TMEM131L: variants seen among roughly 807,000 people sequenced by gnomAD.
TMEM131L encodes the protein transmembrane protein 131-like.
In TMEM131L, 54 loss-of-function variants were observed where a neutral mutation model predicts 192.2. That is an observed-to-expected ratio of 0.28 (90% CI 0.23 to 0.35). TMEM131L has a LOEUF of 0.35. Ranked by LOEUF, TMEM131L falls within the 10% of genes least tolerant of loss-of-function variation. The probability of loss-of-function intolerance (pLI) is 1.00; values close to 1 mark genes in which losing one functional copy is unlikely to be tolerated. For synonymous variants in TMEM131L, 701 were observed against 704.9 expected, an observed-to-expected ratio of 0.99 and a Z score of 0.09; for missense variants, 1,888 against 1,972.9, an observed-to-expected ratio of 0.96 and a Z score of 0.82.
At position 153,634,216 on chromosome 4, in the gene TMEM131L, C is replaced by T. The variant is rs564651352; in HGVS notation, c.4353C>T (p.Cys1451=). The T allele has an allele frequency of 3.2e-5, 52 of 1,613,992 alleles. No individual in the cohort carries two copies. Among genetic ancestry groups the T allele is most frequent in the Middle Eastern group, 1.6e-4 (1 of 6,062 alleles). Reference sequence around the variant, plus strand: ...GTTTCATTGATTGGAGTGCAACATGCGAAGGCCAGTTTTCCAGCGCATACT... The same window carrying T: ...GTTTCATTGATTGGAGTGCAACATGTGAAGGCCAGTTTTCCAGCGCATACT... ...HNSFIDWSAT[C]EGQFSSAYCP... is the part of the protein sequence containing the mutation. The change falls in exon 33 of 35, where the codon TGC becomes TGT. Residue 1451 remains cysteine (C), a synonymous_variant. Transcript: ENST00000409959.
intron 3 of TMEM131L, among the ~76,000 whole-genome samples, chr4:153,545,170 C>G (rs1053186000): frequency 6.6e-6 from 1 of 152,236 alleles, no homozygotes; most frequent in African/African-American, 2.4e-5. Context: ...GCAGCTTGCT[C>G]ATTTTGTTGA....
intron 26 of TMEM131L, among the ~76,000 whole-genome samples, chr4:153,615,062 C>T (rs1190847530): frequency 6.6e-6 from 1 of 152,220 alleles, no homozygotes; most frequent in Admixed American, 6.5e-5. Context: ...ATGCACTTTA[C>T]AGCCAGGCTT....
chr4:153,483,822 TAGAG>T, intron 3 of TMEM131L, among the ~76,000 whole-genome samples: 1 of 152,312 alleles, frequency 6.6e-6, no homozygotes, highest in Middle Eastern at 3.4e-3. Context: ...GGCTTCTAGC[TAGAG>T]AGTCAGGTAT....
chr4:153,596,194 C>T, intron 19 of TMEM131L, 64 bp from the exon 20 acceptor site: 1 of 1,573,512 alleles, frequency 6.4e-7, no homozygotes. Context: ...CTCTAGGATG[C>T]ACTTAATGAC....
At chr4:153,538,229 C>T (rs1440127755) in intron 3 of TMEM131L, among the ~76,000 whole-genome samples, 3 of 152,194 alleles carry the variant, frequency 2.0e-5, no homozygotes, top group African/African-American at 7.2e-5. Context: ...TGTGCTCCTT[C>T]TAGCACCTCT....
intron 28 of TMEM131L, among the ~76,000 whole-genome samples, chr4:153,622,071 G>A (rs1733459568): frequency 6.6e-6 from 1 of 152,170 alleles, no homozygotes; most frequent in Non-Finnish European, 1.5e-5. Context: ...CCCCAGTCTG[G>A]CCAGTCGCAA....
intron 32 of TMEM131L, among the ~76,000 whole-genome samples, chr4:153,633,961 T>G (rs1278652049): frequency 1.3e-5 from 2 of 152,218 alleles, no homozygotes; most frequent in African/African-American, 4.8e-5. Context: ...ACAAGCATAG[T>G]TAAAAACAAG....
At chr4:153,539,949 A>G (rs1365819244) in intron 3 of TMEM131L, among the ~76,000 whole-genome samples, 1 of 152,050 alleles carries the variant, frequency 6.6e-6, no homozygotes, top group Non-Finnish European at 1.5e-5. Context: ...CGTCTCTACT[A>G]AAAATACAAA....
intron 31 of TMEM131L, chr4:153,632,461 G>A: frequency 2.2e-6 from 1 of 451,610 alleles, no homozygotes; most frequent in South Asian, 2.7e-5. Flanking sequence ...CTTGCAGAAA[G>A]TAGTTCCTCA....
At chr4:153,480,299 A>T (rs893638084) in intron 3 of TMEM131L, among the ~76,000 whole-genome samples, 1 of 152,206 alleles carries the variant, frequency 6.6e-6, no homozygotes, top group Admixed American at 6.5e-5. Flanking sequence ...AGATCGCGCC[A>T]CTGCACTCCA....
At position 153,510,668 on chromosome 4, in the gene TMEM131L, A is replaced by G. The variant is rs112736429; in HGVS notation, c.239+36780A>G. On this transcript the variant is annotated intron_variant, in intron 3 of 34. Coordinates refer to ENST00000409959, the MANE Select transcript of TMEM131L (RefSeq NM_001131007.2). ...TGGGGCAGGCAGATCAGTTGAGCCC[A>G]GGAGTTCAAGACCAGCCTGGGCAAC... Among the ~76,000 whole-genome samples, 894 of 152,324 alleles carry G rather than the reference A, an allele frequency of 5.9e-3. 6 individuals are homozygous for G. Among genetic ancestry groups the G allele is most frequent in the African/African-American group, 0.02 (825 of 41,566 alleles).
At position 153,555,514 on chromosome 4, in the gene TMEM131L, G is replaced by C. The variant is rs567928127; in HGVS notation, c.309-273G>C. On this transcript the variant is annotated intron_variant, in intron 4 of 34. Coordinates refer to ENST00000409959, the MANE Select transcript of TMEM131L (RefSeq NM_001131007.2). The surrounding 1 kb of genome is among the most constrained non-coding windows in gnomAD (Gnocchi z 4.1). ...TTGCAAGCATTTTAATGGCCTAGAT[G>C]GGTTAAATTTTTCTAACACTGAAAC... Among the ~76,000 whole-genome samples, 1 of 152,028 alleles carries C rather than the reference G, an allele frequency of 6.6e-6. No individual in the cohort carries two copies. Among genetic ancestry groups the C allele is most frequent in the East Asian group, 1.9e-4 (1 of 5,196 alleles).
chr4:153,508,538 A>G (rs1734135976), intron 3 of TMEM131L, among the ~76,000 whole-genome samples: 3 of 152,174 alleles, frequency 2.0e-5, no homozygotes, highest in South Asian at 4.1e-4. Flanking sequence ...TTCCTTAAGT[A>G]GTTTCTCATT....
intron 4 of TMEM131L, among the ~76,000 whole-genome samples, chr4:153,552,225 C>A (rs1487523822): frequency 1.3e-5 from 2 of 151,666 alleles, no homozygotes; most frequent in Non-Finnish European, 2.9e-5. Context: ...AAAAAAGAGT[C>A]TTTATTGTGA....
chr4:153,594,640 C>A (rs978599880), intron 19 of TMEM131L, among the ~76,000 whole-genome samples: 1 of 152,196 alleles, frequency 6.6e-6, no homozygotes, highest in African/African-American at 2.4e-5. Flanking sequence ...TTTCTTCTTT[C>A]TTTATCTTTA....
chr4:153,555,953 GC>G lies in TMEM131L; in HGVS notation c.432+45del. On this transcript the variant is annotated intron_variant, in intron 5 of 34. Transcript: ENST00000409959. This position sits in a 1 kb window ranked among gnomAD's most constrained non-coding sequence, Gnocchi z 4.1. ...CCTGGAAACTATGCCGTGGCAGGCA[GC>G]CAGGTTTTCTTGCTTTCTTTGGCCT... 6.5e-7 allele frequency: 1 copy of G among 1,539,718 alleles called. No homozygotes were observed. Among genetic ancestry groups the G allele is most frequent in the Non-Finnish European group, 8.8e-7 (1 of 1,140,592 alleles).
chr4:153,490,922 C>G (rs184553204), intron 3 of TMEM131L, among the ~76,000 whole-genome samples: 1 of 146,162 alleles, frequency 6.8e-6, no homozygotes, highest in East Asian at 2.0e-4. Context: ...CCACTGCACT[C>G]CAGCCTGGGC....
At chr4:153,521,862 GTTTTTT>G (rs34480228) in intron 3 of TMEM131L, among the ~76,000 whole-genome samples, 1 of 137,124 alleles carries the variant, frequency 7.3e-6, no homozygotes. Flanking sequence ...TGTTTTCTGT[GTTTTTT>G]TTTTTTTTTT....
chr4:153,619,682 C>A (rs1372604102), intron 26 of TMEM131L, among the ~76,000 whole-genome samples: 1 of 152,232 alleles, frequency 6.6e-6, no homozygotes, highest in Non-Finnish European at 1.5e-5. Flanking sequence ...GTAGGTATTG[C>A]AGGTTACCTA....
Sources: gnomAD v4.1 joint callset for allele counts (sites outside exome capture counted in the v4.1 genomes callset) on GRCh38, gnomAD v4.1.1 for gene constraint, Gnocchi (gnomAD v3.1) non-coding constraint, MANE v1.5 for transcripts, NCBI Gene and HGNC (gene_info 2026-07-23, HGNC 2026-07-21) for gene names.